DIAPH1: variants seen among roughly 807,000 people sequenced by gnomAD.
DIAPH1 encodes the protein protein diaphanous homolog 1.
Under a neutral mutation model 140.7 loss-of-function variants are expected in DIAPH1, and 46 were observed. The observed-to-expected ratio is 0.33, with a 90% CI of 0.26 to 0.42. The LOEUF (loss-of-function observed/expected upper bound fraction) is 0.42. DIAPH1 is among the 10% of genes least tolerant of loss of function. DIAPH1 has a pLI of 1.00. For synonymous variants in DIAPH1, 565 were observed against 551.6 expected, an observed-to-expected ratio of 1.02 and a Z score of -0.34; for missense variants, 1,310 against 1,558.7, an observed-to-expected ratio of 0.84 and a Z score of 2.69.
chr5:141,539,805 G>A (rs2099889690), intron 18 of DIAPH1, among the ~76,000 whole-genome samples: 1 of 151,736 alleles, frequency 6.6e-6, no homozygotes. Flanking sequence ...TCTGATTCAA[G>A]TCTCTCTTTT....
At chr5:141,585,796 G>A (rs1314999991) in intron 3 of DIAPH1, among the ~76,000 whole-genome samples, 2 of 152,064 alleles carry the variant, frequency 1.3e-5, no homozygotes, top group African/African-American at 4.8e-5. Flanking sequence ...AAGAGGAAGG[G>A]AAACCTATAG....
intron 14 of DIAPH1, 78 bp from the exon 15 acceptor site, chr5:141,575,224 C>T: frequency 6.8e-7 from 1 of 1,479,130 alleles, no homozygotes; most frequent in South Asian, 1.1e-5. Flanking sequence ...CCATAATTCT[C>T]CCTACCTCCT....
At chr5:141,604,439 T>C (rs995418540) in intron 1 of DIAPH1, among the ~76,000 whole-genome samples, 10 of 152,160 alleles carry the variant, frequency 6.6e-5, no homozygotes, top group Non-Finnish European at 1.3e-4. Flanking sequence ...AAAAGGGGTG[T>C]TGTCCATTCA....
chr5:141,533,634 G>T (rs1382355944), intron 19 of DIAPH1, among the ~76,000 whole-genome samples: 3 of 152,170 alleles, frequency 2.0e-5, no homozygotes, highest in South Asian at 2.1e-4. Flanking sequence ...ATCACTTGAG[G>T]CCAGGAGCTT....
At chr5:141,611,850 T>C (rs938529862) in intron 1 of DIAPH1, among the ~76,000 whole-genome samples, 5 of 152,160 alleles carry the variant, frequency 3.3e-5, no homozygotes, top group Non-Finnish European at 7.4e-5. Flanking sequence ...GTGGATCACC[T>C]GAAGTTAGGA....
At chr5:141,593,461 C>CA (rs2099898801) in intron 1 of DIAPH1, among the ~76,000 whole-genome samples, 1 of 152,150 alleles carries the variant, frequency 6.6e-6, no homozygotes, top group South Asian at 2.1e-4. Flanking sequence ...CTTAGAGCCC[C>CA]AGCAGCCTGG....
intron 6 of DIAPH1, 56 bp from the exon 7 acceptor site, chr5:141,582,431 T>C (rs1233389072): frequency 2.3e-6 from 3 of 1,327,928 alleles, no homozygotes; most frequent in Non-Finnish European, 3.3e-6. Context: ...CCTTTCCCAT[T>C]TTTAATCTTG....
chr5:141,532,724 G>GA (rs1346104697), intron 19 of DIAPH1, among the ~76,000 whole-genome samples: 1 of 152,134 alleles, frequency 6.6e-6, no homozygotes, highest in African/African-American at 2.4e-5. Context: ...ATTAGCACAT[G>GA]AGAGACATTT....
At chr5:141,586,205 T>G (rs1048857916) in intron 3 of DIAPH1, among the ~76,000 whole-genome samples, 1 of 152,206 alleles carries the variant, frequency 6.6e-6, no homozygotes, top group Non-Finnish European at 1.5e-5. Context: ...GGCCAAGAGA[T>G]TATCTTGACA....
chr5:141,601,260 T>C (rs1596404745), intron 1 of DIAPH1, among the ~76,000 whole-genome samples: 1 of 145,130 alleles, frequency 6.9e-6, no homozygotes, highest in Non-Finnish European at 1.5e-5. Flanking sequence ...AAAATAAAAA[T>C]AAAATCTTAG....
intron 18 of DIAPH1, among the ~76,000 whole-genome samples, chr5:141,566,002 G>C (rs1463765412): frequency 1.3e-5 from 2 of 152,154 alleles, no homozygotes; most frequent in Non-Finnish European, 2.9e-5. Context: ...TGAAATGAGA[G>C]AGATAATGGA....
chr5:141,610,272 C>T (rs1320167379), intron 1 of DIAPH1, among the ~76,000 whole-genome samples: 1 of 152,122 alleles, frequency 6.6e-6, no homozygotes, highest in Non-Finnish European at 1.5e-5. Context: ...GCTAGGATTA[C>T]AGGCACCCAC....
chr5:141,571,166 C>G (rs1454219901), intron 18 of DIAPH1, among the ~76,000 whole-genome samples: 1 of 152,160 alleles, frequency 6.6e-6, no homozygotes, highest in African/African-American at 2.4e-5. Context: ...AGTATTATTG[C>G]TTACGTTGTC....
Position 141,587,167 on chromosome 5 carries a change from T to G in DIAPH1, c.175A>C (p.Lys59Gln). Reference protein sequence around the residue: ...LERFTSMRIKKEKEKPNSAHR... With the variant: ...LERFTSMRIKQEKEKPNSAHR... ...GCAGAATTGGGCTTTTCCTTCTCCT[T>G]CTTAATTCTCATGCTGGTAAATCTC... Residue 59 changes from lysine to glutamine, a missense_variant, in exon 3 of 28, where the codon AAG becomes CAG. Lys to Gln is a moderately conservative substitution (Grantham distance 53). This residue lies in a region of DIAPH1 where 377 missense variants were observed against 497.1 expected (regional missense o/e 0.76). Transcript: ENST00000389054. 2 of 1,614,134 alleles carry G rather than the reference T, an allele frequency of 1.2e-6. No homozygotes were observed. Among genetic ancestry groups the G allele is most frequent in the Non-Finnish European group, 1.7e-6 (2 of 1,180,002 alleles).
At chr5:141,529,001 A>G in intron 21 of DIAPH1, 60 bp from the exon 22 acceptor site, 1 of 1,612,702 alleles carries the variant, frequency 6.2e-7, no homozygotes, top group Non-Finnish European at 8.5e-7. Flanking sequence ...AGAAAAAGAT[A>G]CACGCTTGAG....
intron 2 of DIAPH1, 151 bp downstream of exon 2, chr5:141,588,073 A>C: frequency 1.4e-6 from 1 of 723,630 alleles, no homozygotes; most frequent in East Asian, 2.7e-5. Flanking sequence ...TGGGCCAAAC[A>C]CAGCAAAGAG....
chr5:141,587,968 G>A (rs2099897792), intron 2 of DIAPH1, among the ~76,000 whole-genome samples: 2 of 152,184 alleles, frequency 1.3e-5, no homozygotes, highest in African/African-American at 4.8e-5. Context: ...AGGGCTTCAA[G>A]TGATATGAGT....
At chr5:141,598,080 C>T (rs1290218774) in intron 1 of DIAPH1, among the ~76,000 whole-genome samples, 3 of 152,134 alleles carry the variant, frequency 2.0e-5, no homozygotes, top group Admixed American at 2.0e-4. Context: ...TAGGTGCACT[C>T]GTAAACACTC....
intron 1 of DIAPH1, among the ~76,000 whole-genome samples, chr5:141,589,604 A>G (rs1005480121): frequency 6.6e-6 from 1 of 151,402 alleles, no homozygotes; most frequent in Non-Finnish European, 1.5e-5. Context: ...TATATAAAGG[A>G]AATAATCACC....
Sources: allele counts gnomAD v4.1 joint callset (sites outside exome capture counted in the v4.1 genomes callset), GRCh38; gene constraint gnomAD v4.1.1; regional missense constraint gnomAD v4.1.1; transcripts MANE v1.5; gene names NCBI Gene and HGNC (gene_info 2026-07-23, HGNC 2026-07-21).